CREB5: variants seen among roughly 807,000 people sequenced by gnomAD.
CREB5 encodes the protein cAMP responsive element binding protein 5.
A neutral mutation model predicts 57.1 loss-of-function variants in CREB5; 19 were observed. The observed-to-expected ratio is 0.33, with a 90% confidence interval of 0.23 to 0.49. The LOEUF (loss-of-function observed/expected upper bound fraction) is 0.49. Among genes scored for constraint, CREB5 ranks in the 20% least tolerant of loss-of-function variants. The probability of loss-of-function intolerance (pLI) is 0.99; values close to 1 mark genes in which losing one functional copy is unlikely to be tolerated. For missense variants in CREB5, 579 were observed against 671.6 expected (o/e 0.86, Z 1.52); for synonymous variants, 238 against 238.3 (o/e 1.00, Z 0.01).
intron 5 of CREB5, among the ~76,000 whole-genome samples, chr7:28,601,400 T>A (rs1393019145): frequency 6.6e-6 from 1 of 152,108 alleles, no homozygotes; most frequent in Non-Finnish European, 1.5e-5. Context: ...GGTCGTGCAG[T>A]GTTAAGGGCA....
chr7:28,319,769 G>C (rs1282496477), intron 1 of CREB5, among the ~76,000 whole-genome samples: 4 of 152,120 alleles, frequency 2.6e-5, no homozygotes, highest in Non-Finnish European at 5.9e-5. Context: ...GTTATCCCAT[G>C]TGCTTGGGGT....
At chr7:28,323,417 A>G (rs532453214) in intron 1 of CREB5, among the ~76,000 whole-genome samples, 3 of 152,124 alleles carry the variant, frequency 2.0e-5, no homozygotes, top group Non-Finnish European at 2.9e-5. Flanking sequence ...TTCATTCTTC[A>G]TTGGAAAAAT....
intron 5 of CREB5, 141 bp downstream of exon 5, chr7:28,570,678 G>C: frequency 1.0e-6 from 1 of 972,406 alleles, no homozygotes; most frequent in East Asian, 2.8e-5. Context: ...TGATGCTTTT[G>C]ATGGGAGAAG....
chr7:28,578,554 G>A (rs1434173013), intron 5 of CREB5, among the ~76,000 whole-genome samples: 9 of 152,140 alleles, frequency 5.9e-5, no homozygotes, highest in African/African-American at 1.7e-4. Context: ...AAGTAATAGG[G>A]CGGTGTCCCT....
intron 5 of CREB5, among the ~76,000 whole-genome samples, chr7:28,633,724 AAGG>A (rs1798295650): frequency 6.6e-6 from 1 of 152,116 alleles, no homozygotes; most frequent in Non-Finnish European, 1.5e-5. Context: ...TAGAGTTGAG[AAGG>A]AGGATTATAA....
chr7:28,743,678 G>T (rs1253175476), intron 7 of CREB5, among the ~76,000 whole-genome samples: 1 of 151,986 alleles, frequency 6.6e-6, no homozygotes. Flanking sequence ...CTGGAGGGTG[G>T]AAGTCCAAGA....
chr7:28,409,643 AT>A, upstream of CREB5: 2 of 278,746 alleles, frequency 7.2e-6, no homozygotes, highest in Admixed American at 5.0e-5. This position sits in a 1 kb window ranked among gnomAD's most constrained non-coding sequence, Gnocchi z 4.4. Context: ...GTTTGTAAAC[AT>A]TTTGGCGGAC....
chr7:28,475,572 G>C (rs188777712), intron 1 of CREB5, among the ~76,000 whole-genome samples: 19 of 152,032 alleles, frequency 1.2e-4, no homozygotes, highest in African/African-American at 4.6e-4. Context: ...AGAAGATTTG[G>C]CTTTTTTTTT....
At chr7:28,508,294 G>A (rs943121933) in intron 4 of CREB5, among the ~76,000 whole-genome samples, 5 of 152,146 alleles carry the variant, frequency 3.3e-5, no homozygotes, top group South Asian at 2.1e-4. Flanking sequence ...GAATATATTC[G>A]GTGTTTATGG....
chr7:28,484,092 A>T (rs1035315275), intron 1 of CREB5, among the ~76,000 whole-genome samples: 1 of 152,184 alleles, frequency 6.6e-6, no homozygotes, highest in Admixed American at 6.5e-5. Context: ...GGCAGTTGCC[A>T]AGCAAAACTT....
chr7:28,306,608 T>G (rs946154058), intron 1 of CREB5, among the ~76,000 whole-genome samples: 1 of 129,032 alleles, frequency 7.8e-6, no homozygotes, highest in Non-Finnish European at 1.6e-5. Flanking sequence ...TCGCCCAGGC[T>G]GGAGTGCAGT....
intron 4 of CREB5, among the ~76,000 whole-genome samples, chr7:28,539,072 A>G (rs2128626841): frequency 1.3e-5 from 2 of 152,336 alleles, no homozygotes; most frequent in Middle Eastern, 3.4e-3. Context: ...CATCTACTGG[A>G]AAGTTATTGC....
intron 5 of CREB5, among the ~76,000 whole-genome samples, chr7:28,628,655 G>T (rs1216693249): frequency 6.6e-6 from 1 of 152,100 alleles, no homozygotes; most frequent in Admixed American, 6.6e-5. Flanking sequence ...GCCAAGGGGT[G>T]GGCTCTTAGG....
intron 4 of CREB5, among the ~76,000 whole-genome samples, chr7:28,560,901 C>CATGCGCGTGTGT (rs1562797666): frequency 4.6e-5 from 1 of 21,650 alleles, no homozygotes. Flanking sequence ...TGTGTGCGTG[C>CATGCGCGTGTGT]GCGCGTGCGT....
intron 3 of CREB5, among the ~76,000 whole-genome samples, chr7:28,495,980 GC>G (rs552359452): frequency 4.3e-4 from 66 of 152,190 alleles, no homozygotes; most frequent in Non-Finnish European, 9.1e-4. Flanking sequence ...TAGAAAAAGT[GC>G]AGGGACAGGA....
chr7:28,353,600 T>C (rs1786279696), intron 1 of CREB5, among the ~76,000 whole-genome samples: 1 of 151,834 alleles, frequency 6.6e-6, no homozygotes, highest in Non-Finnish European at 1.5e-5. Flanking sequence ...TCCCAGCACT[T>C]TGGGAGGCCG....
intron 1 of CREB5, among the ~76,000 whole-genome samples, chr7:28,454,674 G>A (rs1026106907): frequency 1.3e-5 from 2 of 152,152 alleles, no homozygotes; most frequent in Non-Finnish European, 2.9e-5. Context: ...GCAGATATTG[G>A]AGCTAAGGCC....
intron 1 of CREB5, among the ~76,000 whole-genome samples, chr7:28,347,078 T>C (rs955354555): frequency 2.0e-5 from 3 of 152,228 alleles, no homozygotes; most frequent in South Asian, 2.1e-4. Context: ...TTTCTCCCTG[T>C]TCATTCTAGC....
upstream of CREB5, chr7:28,410,556 A>C (rs1282258601): frequency 6.6e-6 from 3 of 456,698 alleles, no homozygotes; most frequent in Admixed American, 7.0e-5. Context: ...ATAAAGCCCT[A>C]GACCTTGTCC....
Sources: allele counts gnomAD v4.1 joint callset (sites outside exome capture counted in the v4.1 genomes callset), GRCh38; gene constraint gnomAD v4.1.1; non-coding constraint Gnocchi (gnomAD v3.1); transcripts MANE v1.5; gene names NCBI Gene and HGNC (gene_info 2026-07-23, HGNC 2026-07-21).